GFRA1: variants seen among roughly 807,000 people sequenced by gnomAD.
GFRA1 encodes the protein GDNF family receptor alpha 1.
In GFRA1, 16 loss-of-function variants were observed where a neutral mutation model predicts 51.6. The observed-to-expected ratio is 0.31, with a 90% confidence interval of 0.21 to 0.47. The LOEUF (loss-of-function observed/expected upper bound fraction) is 0.47. GFRA1 is among the 20% of genes least tolerant of loss of function. GFRA1 has a pLI of 1.00. For missense variants in GFRA1, 530 were observed against 594.3 expected, an observed-to-expected ratio of 0.89 and a Z score of 1.13; for synonymous variants, 270 against 241.3, an observed-to-expected ratio of 1.12 and a Z score of -1.10.
At position 116,057,840 on chromosome 10, in the gene GFRA1, T is replaced by C. The variant is rs750040255; in HGVS notation, c.*6558A>G. On this transcript the variant is annotated 3_prime_UTR_variant, in exon 11 of 11. Coordinates refer to ENST00000355422, the MANE Select transcript of GFRA1 (RefSeq NM_005264.8). Reference sequence around the variant, plus strand: ...CACAGCCAAATATGGCAGGGCAAACTGATTTGGTTCTGCGATTTCCATTCT... The same window carrying C: ...CACAGCCAAATATGGCAGGGCAAACCGATTTGGTTCTGCGATTTCCATTCT... 1.3e-5 allele frequency: 2 copies of C among 151,444 alleles called. No individual in the cohort carries two copies. Among genetic ancestry groups the C allele is most frequent in the Non-Finnish European group, 2.9e-5 (2 of 67,952 alleles). The allele number at this position is 151,444 out of a possible 1,614,324, so 9.4% of individuals were successfully genotyped here. A position where few individuals can be genotyped will look rare whatever the true frequency, so the allele number is the denominator to read the frequency against.
chr10:116,211,609 A>G, intron 5 of GFRA1, 22 bp downstream of exon 5: 1 of 1,547,648 alleles, frequency 6.5e-7, no homozygotes, highest in Non-Finnish European at 8.7e-7. Flanking sequence ...GTGAAAAAGC[A>G]GGCAGGAAAC....
intron 5 of GFRA1, among the ~76,000 whole-genome samples, chr10:116,168,301 C>T (rs1392749566): frequency 1.3e-5 from 2 of 152,048 alleles, no homozygotes; most frequent in Non-Finnish European, 2.9e-5. Context: ...CTGGGGTTTG[C>T]CTTCTGAAAG....
At chr10:116,137,007 C>T (rs540913019) in intron 5 of GFRA1, among the ~76,000 whole-genome samples, 41 of 152,292 alleles carry the variant, frequency 2.7e-4, no homozygotes, top group African/African-American at 9.6e-4. Flanking sequence ...ATAAGTGTTT[C>T]GCTTCTCAAG....
At chr10:116,258,402 A>ATAT (rs1475509227) in intron 4 of GFRA1, among the ~76,000 whole-genome samples, 3 of 30,156 alleles carry the variant, frequency 9.9e-5, no homozygotes, top group Admixed American at 1.3e-3. Flanking sequence ...ATAAAATAAA[A>ATAT]TATATTATAT....
intron 5 of GFRA1, among the ~76,000 whole-genome samples, chr10:116,134,760 T>C (rs1162921249): frequency 2.0e-5 from 3 of 152,232 alleles, no homozygotes; most frequent in African/African-American, 4.8e-5. Context: ...TTTGGTCTGG[T>C]AAAGACAGTT....
intron 4 of GFRA1, among the ~76,000 whole-genome samples, chr10:116,266,069 C>G (rs115910380): frequency 6.6e-6 from 1 of 152,134 alleles, no homozygotes; most frequent in Admixed American, 6.5e-5. Flanking sequence ...TTGTTCCCAA[C>G]GGGCCACTGA....
chr10:116,252,616 G>A (rs772872121), intron 4 of GFRA1, among the ~76,000 whole-genome samples: 21 of 152,106 alleles, frequency 1.4e-4, no homozygotes, highest in Non-Finnish European at 2.4e-4. Flanking sequence ...AGTCAGAAAC[G>A]CGCACCCTCA....
intron 9 of GFRA1, among the ~76,000 whole-genome samples, chr10:116,081,249 A>G (rs1487902586): frequency 6.6e-6 from 1 of 152,158 alleles, no homozygotes; most frequent in Non-Finnish European, 1.5e-5. Context: ...GTTGGGGACC[A>G]CGGCCATAAC....
rs1438891687 is a variant in GFRA1 at position 116,062,813 on chromosome 10, G to A, written c.*1585C>T. The A allele has an allele frequency of 6.6e-6, 1 of 152,206 alleles. No homozygotes were observed. Among genetic ancestry groups the A allele is most frequent in the Non-Finnish European group, 1.5e-5 (1 of 68,044 alleles). 9.4% of individuals were successfully genotyped at this position (152,206 alleles called of 1,614,324 possible). ...TGCACTTTCGGGTCTACTTAGTTAA[G>A]AAAGAGAATAATGGAAGATGATAAG... On this transcript the variant is annotated 3_prime_UTR_variant, in exon 11 of 11. Coordinates refer to ENST00000355422, the MANE Select transcript of GFRA1 (RefSeq NM_005264.8).
At chr10:116,128,670 G>A (rs1957973420) in intron 5 of GFRA1, among the ~76,000 whole-genome samples, 1 of 141,236 alleles carries the variant, frequency 7.1e-6, no homozygotes, top group South Asian at 2.2e-4. Context: ...AGCTTGCAGT[G>A]AGCCAAGACT....
chr10:116,248,416 G>A (rs1968048183), intron 4 of GFRA1, among the ~76,000 whole-genome samples: 1 of 152,174 alleles, frequency 6.6e-6, no homozygotes, highest in Non-Finnish European at 1.5e-5. Flanking sequence ...GCTCAGGGAG[G>A]AGAAGCAGCT....
intron 5 of GFRA1, among the ~76,000 whole-genome samples, chr10:116,145,019 C>T (rs532327569): frequency 1.6e-4 from 24 of 151,288 alleles, no homozygotes; most frequent in African/African-American, 4.8e-4. Context: ...CATGGTGGTG[C>T]GCACCTGTAG....
chr10:116,135,041 T>A (rs1958265100), intron 5 of GFRA1, among the ~76,000 whole-genome samples: 1 of 152,208 alleles, frequency 6.6e-6, no homozygotes, highest in African/African-American at 2.4e-5. Context: ...GTTTTCTACT[T>A]GTTTGTGTTC....
At chr10:116,141,001 G>T (rs1321218747) in intron 5 of GFRA1, among the ~76,000 whole-genome samples, 1 of 152,218 alleles carries the variant, frequency 6.6e-6, no homozygotes, top group Non-Finnish European at 1.5e-5. Context: ...CGATCAAACA[G>T]AATGCTACTG....
intron 5 of GFRA1, among the ~76,000 whole-genome samples, chr10:116,186,073 G>A (rs1180341139): frequency 1.3e-5 from 2 of 152,176 alleles, no homozygotes; most frequent in Non-Finnish European, 2.9e-5. Flanking sequence ...CCAGAGCTTT[G>A]GAACACAGGA....
intron 5 of GFRA1, among the ~76,000 whole-genome samples, chr10:116,174,810 T>C (rs1278765479): frequency 1.3e-5 from 2 of 152,228 alleles, no homozygotes; most frequent in Non-Finnish European, 2.9e-5. Context: ...GGTAACATTT[T>C]AATAAGCTTT....
chr10:116,095,049 C>A (rs747252346), intron 7 of GFRA1, among the ~76,000 whole-genome samples: 1 of 152,214 alleles, frequency 6.6e-6, no homozygotes, highest in Non-Finnish European at 1.5e-5. Context: ...GCCCTCCATT[C>A]ATCATCCTTA....
chr10:116,233,496 G>T (rs896158248), intron 4 of GFRA1, among the ~76,000 whole-genome samples: 2 of 152,150 alleles, frequency 1.3e-5, no homozygotes, highest in Non-Finnish European at 2.9e-5. Context: ...ACCCTAGGCA[G>T]ATACTATTGC....
chr10:116,140,178 C>T (rs900230731), intron 5 of GFRA1, among the ~76,000 whole-genome samples: 5 of 152,154 alleles, frequency 3.3e-5, no homozygotes, highest in African/African-American at 9.7e-5. Context: ...AGGGGACTGG[C>T]TTGACTCAGG....
Sources: allele counts gnomAD v4.1 joint callset (sites outside exome capture counted in the v4.1 genomes callset), GRCh38; gene constraint gnomAD v4.1.1; transcripts MANE v1.5; gene names NCBI Gene and HGNC (gene_info 2026-07-23, HGNC 2026-07-21).